The following SLC25A21 variants were observed in gnomAD, a reference collection of about 807,000 sequenced individuals.
SLC25A21 encodes the protein mitochondrial 2-oxodicarboxylate carrier.
Under a neutral mutation model 43.8 loss-of-function variants are expected in SLC25A21, and 47 were observed. The observed-to-expected ratio is 1.07, with a 90% CI of 0.85 to 1.37. The LOEUF (loss-of-function observed/expected upper bound fraction) is 1.37, where lower values mean the gene tolerates loss of function less well. SLC25A21 is among the 40% of genes most tolerant of loss of function. The probability of loss-of-function intolerance (pLI) is 0.00; values close to 1 mark genes in which losing one functional copy is unlikely to be tolerated. For synonymous variants in SLC25A21, 131 were observed against 121.3 expected, an observed-to-expected ratio of 1.08 and a Z score of -0.52; for missense variants, 352 against 350.2, an observed-to-expected ratio of 1.00 and a Z score of -0.04.
chr14:37,013,313 G>A (rs1175257916), intron 1 of SLC25A21, among the ~76,000 whole-genome samples: 1 of 152,026 alleles, frequency 6.6e-6, no homozygotes, highest in African/African-American at 2.4e-5. Flanking sequence ...TGTCCTAGTC[G>A]ACATTTCCTT....
chr14:36,802,111 T>C (rs1408022146), intron 3 of SLC25A21, among the ~76,000 whole-genome samples: 9 of 152,230 alleles, frequency 5.9e-5, no homozygotes, highest in Non-Finnish European at 1.3e-4. Flanking sequence ...GGGTTATAGA[T>C]AAATTATCAT....
chr14:36,903,275 T>C (rs948675968), intron 1 of SLC25A21, among the ~76,000 whole-genome samples: 1 of 152,156 alleles, frequency 6.6e-6, no homozygotes, highest in Non-Finnish European at 1.5e-5. Context: ...CGCCCAAGCA[T>C]TCAGCAATGG....
intron 6 of SLC25A21, among the ~76,000 whole-genome samples, chr14:36,720,596 A>T (rs1244786053): frequency 2.0e-5 from 3 of 152,250 alleles, no homozygotes; most frequent in Non-Finnish European, 2.9e-5. Flanking sequence ...CACAACTAGG[A>T]GCTGACTGAA....
chr14:36,849,340 C>G, intron 2 of SLC25A21, among the ~76,000 whole-genome samples: 2 of 152,098 alleles, frequency 1.3e-5, no homozygotes, highest in Middle Eastern at 6.8e-3. Context: ...ACTTTTTGGA[C>G]AGCAGAGGAA....
chr14:36,917,065 T>C (rs527680436), intron 1 of SLC25A21, among the ~76,000 whole-genome samples: 38 of 152,336 alleles, frequency 2.5e-4, no homozygotes, highest in Admixed American at 1.2e-3. Flanking sequence ...TCAAATGTCA[T>C]GCTTTCATTG....
At chr14:37,159,283 A>C (rs936595867) in intron 1 of SLC25A21, among the ~76,000 whole-genome samples, 6 of 152,168 alleles carry the variant, frequency 3.9e-5, no homozygotes, top group Non-Finnish European at 8.8e-5. Context: ...AATCCTGAGC[A>C]AAAAGAACAA....
intron 7 of SLC25A21, among the ~76,000 whole-genome samples, chr14:36,692,931 A>T (rs2139154593): frequency 6.6e-6 from 1 of 152,282 alleles, no homozygotes. Context: ...TCCTACAAGG[A>T]GTTACATGAT....
Position 36,679,098 on chromosome 14 carries a change from G to A in SLC25A21, c.*1560C>T. 1.0e-6 allele frequency: 1 copy of A among 985,390 alleles called. No homozygotes were observed. 61.0% of individuals were successfully genotyped at this position (985,390 alleles called of 1,614,324 possible). On this transcript the variant is annotated 3_prime_UTR_variant, in exon 10 of 10. Coordinates refer to ENST00000331299, the MANE Select transcript of SLC25A21 (RefSeq NM_030631.4). Reference sequence around the variant, plus strand: ...AAAGGTTCAATTTCATGACCTCTATGCAGGCAGCGCTCTCATTGGATGTAA... The same window carrying A: ...AAAGGTTCAATTTCATGACCTCTATACAGGCAGCGCTCTCATTGGATGTAA...
At chr14:37,125,108 C>T (rs1963274825) in intron 1 of SLC25A21, among the ~76,000 whole-genome samples, 1 of 152,210 alleles carries the variant, frequency 6.6e-6, no homozygotes, top group Non-Finnish European at 1.5e-5. Flanking sequence ...AGAAGTCAGG[C>T]CACCAAGGCT....
intron 3 of SLC25A21, among the ~76,000 whole-genome samples, chr14:36,745,340 A>C (rs1170383907): frequency 6.6e-6 from 1 of 152,048 alleles, no homozygotes; most frequent in African/African-American, 2.4e-5. Context: ...ATGATTTATA[A>C]TCCTTTGGGT....
chr14:36,821,868 A>G (rs144253971), intron 2 of SLC25A21, among the ~76,000 whole-genome samples: 12 of 152,238 alleles, frequency 7.9e-5, no homozygotes, highest in African/African-American at 2.9e-4. Flanking sequence ...AACAAAAATA[A>G]TAATAATAAC....
rs1379693638 is a variant in SLC25A21 at position 36,678,336 on chromosome 14, C to T, written c.*2322G>A. 1 of 694,690 alleles carries T rather than the reference C, an allele frequency of 1.4e-6. No homozygotes were observed. Among genetic ancestry groups the T allele is most frequent in the East Asian group, 2.7e-5 (1 of 36,940 alleles). 43.0% of individuals were successfully genotyped at this position (694,690 alleles called of 1,614,324 possible). On this transcript the variant is annotated 3_prime_UTR_variant, in exon 10 of 10. Transcript: ENST00000331299. ...ATATCTTATAGAGAGCTTTGAACTG[C>T]ATTTATTTCTAAAGCAACCGAAATT... is the stretch of plus-strand genomic sequence containing the variant.
intron 1 of SLC25A21, among the ~76,000 whole-genome samples, chr14:37,104,442 G>A (rs1478607448): frequency 1.3e-5 from 2 of 152,080 alleles, no homozygotes; most frequent in East Asian, 3.9e-4. Context: ...CTAAGATAGG[G>A]AAATAAAACT....
Position 36,862,897 on chromosome 14 carries a change from C to T in SLC25A21, c.119+12059G>A, listed in dbSNP as rs112012393. Among the ~76,000 whole-genome samples, 61 of 152,098 alleles carry T rather than the reference C, an allele frequency of 4.0e-4. 1 individual carries two copies. In the East Asian group the frequency reaches 5.6e-3, roughly 14 times the overall value. On this transcript the variant is annotated intron_variant, in intron 2 of 9. Coordinates refer to ENST00000331299, the MANE Select transcript of SLC25A21 (RefSeq NM_030631.4). Reference sequence around the variant, plus strand: ...ATATAGTTATTAAATTATAGTAACACGCAAATTGGAATCTAAGCTATAGCT... The same window carrying T: ...ATATAGTTATTAAATTATAGTAACATGCAAATTGGAATCTAAGCTATAGCT...
chr14:36,949,934 T>C (rs1892766868), intron 1 of SLC25A21, among the ~76,000 whole-genome samples: 1 of 152,152 alleles, frequency 6.6e-6, no homozygotes, highest in Non-Finnish European at 1.5e-5. Context: ...ACAAGAAAAC[T>C]CTGGGTTAAA....
chr14:37,022,081 A>G (rs1196510555), intron 1 of SLC25A21, among the ~76,000 whole-genome samples: 11 of 151,776 alleles, frequency 7.2e-5, no homozygotes, highest in Non-Finnish European at 7.4e-5. Flanking sequence ...GAGGATTCAT[A>G]TGCCTTTATT....
intron 5 of SLC25A21, 93 bp from the exon 6 acceptor site, chr14:36,725,770 TA>T (rs1022555775): frequency 1.4e-6 from 1 of 701,356 alleles, no homozygotes; most frequent in Non-Finnish European, 2.1e-6. Context: ...CTGAACGTTA[TA>T]AAGAGAATGG....
At chr14:36,751,567 C>G (rs964116960) in intron 3 of SLC25A21, among the ~76,000 whole-genome samples, 25 of 152,220 alleles carry the variant, frequency 1.6e-4, no homozygotes, top group African/African-American at 6.0e-4. Flanking sequence ...AAGCCACTAA[C>G]TGTCTGGGGC....
intron 1 of SLC25A21, among the ~76,000 whole-genome samples, chr14:37,121,840 A>AT (rs1474513252): frequency 6.6e-6 from 1 of 152,108 alleles, no homozygotes; most frequent in Non-Finnish European, 1.5e-5. Flanking sequence ...ATTAAATGCC[A>AT]TGAGTGGGGA....
Sources: allele counts gnomAD v4.1 joint callset (sites outside exome capture counted in the v4.1 genomes callset), GRCh38; gene constraint gnomAD v4.1.1; transcripts MANE v1.5; gene names NCBI Gene and HGNC (gene_info 2026-07-23, HGNC 2026-07-21).